Variants in ERBIN observed in about 807,000 individuals in gnomAD.
ERBIN encodes the protein erbb2 interacting protein.
ERBIN carries 60 observed loss-of-function variants against 158.4 expected under a neutral mutation model. That is an observed-to-expected ratio of 0.38 (90% CI 0.31 to 0.47). ERBIN has a LOEUF of 0.47. Among genes scored for constraint, ERBIN ranks in the 20% least tolerant of loss-of-function variants. The pLI is 0.99. For missense variants in ERBIN, 1,610 were observed against 1,648.0 expected, an observed-to-expected ratio of 0.98 and a Z score of 0.40; for synonymous variants, 594 against 557.2, an observed-to-expected ratio of 1.07 and a Z score of -0.93.
intron 2 of ERBIN, among the ~76,000 whole-genome samples, chr5:65,989,708 A>C (rs887516291): frequency 6.6e-6 from 1 of 152,244 alleles, no homozygotes; most frequent in African/African-American, 2.4e-5. Context: ...AGTATGGTCC[A>C]GTGGCCATTA....
chr5:65,967,929 T>C (rs1748843749), intron 1 of ERBIN, among the ~76,000 whole-genome samples: 1 of 152,200 alleles, frequency 6.6e-6, no homozygotes, highest in South Asian at 2.1e-4. Flanking sequence ...GACTTGAGTT[T>C]CCTTACAGCA....
chr5:66,051,887 C>G (rs941892424), intron 20 of ERBIN, among the ~76,000 whole-genome samples: 50 of 81,352 alleles, frequency 6.1e-4, no homozygotes, highest in Non-Finnish European at 1.1e-3. Context: ...AGAGCTAGGC[C>G]TTGTCTCAAA....
At chr5:65,949,952 G>A (rs532834699) in intron 1 of ERBIN, among the ~76,000 whole-genome samples, 60 of 152,156 alleles carry the variant, frequency 3.9e-4, no homozygotes, top group Admixed American at 1.0e-3. Context: ...GATTACAGGC[G>A]TGAGCCACTA....
At chr5:66,046,274 C>A in intron 17 of ERBIN, 79 bp from the exon 18 acceptor site, 1 of 876,554 alleles carries the variant, frequency 1.1e-6, no homozygotes, top group East Asian at 2.7e-5. Context: ...TGGCAAATTG[C>A]TTACAAATTT....
At chr5:66,047,659 A>C (rs1758578812) in intron 18 of ERBIN, among the ~76,000 whole-genome samples, 1 of 152,052 alleles carries the variant, frequency 6.6e-6, no homozygotes, top group South Asian at 2.1e-4. Context: ...CTAAAATTTC[A>C]AAATGCATTC....
intron 21 of ERBIN, among the ~76,000 whole-genome samples, chr5:66,069,597 C>T (rs183856367): frequency 1.3e-5 from 2 of 152,198 alleles, no homozygotes; most frequent in East Asian, 1.9e-4. Flanking sequence ...TGATTTTAAC[C>T]AAAATTCAGT....
Position 65,950,429 on chromosome 5 carries a change from T to C in ERBIN, c.-58+23623T>C, listed in dbSNP as rs188274937. On this transcript the variant is annotated intron_variant, in intron 1 of 25. Coordinates refer to ENST00000284037, the MANE Select transcript of ERBIN (RefSeq NM_001253697.2). ...GGGTTTTTCTGATTTTTTTCATGAT[T>C]ATGTTAGATTGTGGATATTTAGAAA... 2.4e-3 allele frequency among the ~76,000 whole-genome samples: 367 copies of C among 152,336 alleles called. 2 individuals are homozygous for C. Among genetic ancestry groups the C allele is most frequent in the Non-Finnish European group, 4.0e-3 (275 of 68,014 alleles).
chr5:65,990,927 A>G (rs189467180), intron 2 of ERBIN, among the ~76,000 whole-genome samples: 1,549 of 151,768 alleles, frequency 0.01, 10 homozygotes, highest in Middle Eastern at 0.031. Context: ...CGCCTGGCTA[A>G]TTTTTTTGTA....
At chr5:66,072,057 C>T (rs942748383) in intron 21 of ERBIN, 112 bp from the exon 22 acceptor site, 70 of 1,095,404 alleles carry the variant, frequency 6.4e-5, no homozygotes, top group Non-Finnish European at 8.3e-5. Context: ...TTTGGGTCTT[C>T]ATCTTTGCAC....
intron 14 of ERBIN, among the ~76,000 whole-genome samples, chr5:66,030,903 A>G (rs1180245832): frequency 1.3e-5 from 2 of 152,144 alleles, no homozygotes; most frequent in Non-Finnish European, 2.9e-5. Flanking sequence ...AATTAATGCC[A>G]GCAAATTATA....
intron 1 of ERBIN, among the ~76,000 whole-genome samples, chr5:65,959,503 A>G (rs1185991375): frequency 6.6e-6 from 1 of 152,250 alleles, no homozygotes; most frequent in Non-Finnish European, 1.5e-5. Context: ...CAAGACTCAT[A>G]CAATTTAATG....
rs778282107 is a variant in ERBIN, at chr5:65,944,204, ATT to A, written c.-58+17418_-58+17419del. On this transcript the variant is annotated intron_variant, in intron 1 of 25. Coordinates refer to ENST00000284037, the MANE Select transcript of ERBIN (RefSeq NM_001253697.2). Reference sequence around the variant, plus strand: ...CTCATATGGTAATTCTGTGTTTAGTATTTTTTTTTTTTTTTTTTTTTAAGGAA... The same window carrying A: ...CTCATATGGTAATTCTGTGTTTAGTATTTTTTTTTTTTTTTTTTTAAGGAA... 4.2e-4 allele frequency among the ~76,000 whole-genome samples: 34 copies of A among 81,736 alleles called. 1 individual carries two copies. The highest frequency in any genetic ancestry group is 1.4e-3 in the African/African-American group (29 of 20,830). The allele number at this position is 81,736 out of a possible 152,430, so 53.6% of individuals were successfully genotyped here.
At chr5:66,046,597 G>A in intron 18 of ERBIN, 59 bp downstream of exon 18, 1 of 1,343,618 alleles carries the variant, frequency 7.4e-7, no homozygotes, top group Middle Eastern at 2.0e-4. Context: ...ATATTTTATT[G>A]TTGCTAAATA....
rs1758181159 is a variant in ERBIN at position 66,044,106 on chromosome 5, A to C, written c.1429-31A>C. On this transcript the variant is annotated intron_variant, in intron 16 of 25. Coordinates refer to ENST00000284037, the MANE Select transcript of ERBIN (RefSeq NM_001253697.2). ...TGAGATTGACATTAGAAATATTTGT[A>C]CTTCATATTTTACTTATTTTATTTC... is the stretch of plus-strand genomic sequence containing the variant. 2.8e-6 allele frequency: 4 copies of C among 1,448,390 alleles called. No homozygotes were observed. In the African/African-American group the frequency reaches 5.8e-5, roughly 21 times the overall value. The allele number at this position is 1,448,390 out of a possible 1,614,324, so 89.7% of individuals were successfully genotyped here.
intron 21 of ERBIN, among the ~76,000 whole-genome samples, chr5:66,057,377 T>G (rs1759703663): frequency 6.6e-6 from 1 of 152,218 alleles, no homozygotes; most frequent in South Asian, 2.1e-4. Flanking sequence ...ATCTTCATCC[T>G]CATCATCACC....
rs1303445225 is a variant in ERBIN, at chr5:66,075,250, T to C, written c.3963+20T>C. On this transcript the variant is annotated intron_variant, in intron 23 of 25. Transcript: ENST00000284037. ...CAAGAGGTAAGAATAATCAAGACTA[T>C]TTGAAATATGGGACTAAGCTTTTTA... 2 of 1,588,868 alleles carry C rather than the reference T, an allele frequency of 1.3e-6. No individual in the cohort carries two copies. The highest frequency in any genetic ancestry group is 2.7e-5 in the African/African-American group (2 of 74,394).
Position 66,054,605 on chromosome 5 carries a change from G to A in ERBIN, c.3287G>A (p.Arg1096Gln), listed in dbSNP as rs149205613. 95 of 1,614,042 alleles carry A rather than the reference G, an allele frequency of 5.9e-5. 2 individuals carry two copies. The South Asian group carries it at 7.1e-4, about 12-fold the overall frequency. Residue 1096 changes from arginine (R) to glutamine (Q), a missense_variant, in exon 21 of 26, where the codon CGG (arginine) becomes CAG (glutamine). Physicochemically the swap from Arg to Gln is conservative, Grantham distance 43. Coordinates refer to ENST00000284037, the MANE Select transcript of ERBIN (RefSeq NM_001253697.2). ...VNLGDPGSTRRAQIPEGDYLS... is the reference protein window; with the variant it reads ...VNLGDPGSTRQAQIPEGDYLS... ...CTTGGTGATCCAGGCTCTACAAGGC[G>A]GGCTCAGATTCCTGAAGGAGATTAT... is the stretch of plus-strand genomic sequence containing the variant.
At chr5:65,969,906 T>A (rs868266683) in intron 1 of ERBIN, among the ~76,000 whole-genome samples, 1 of 152,244 alleles carries the variant, frequency 6.6e-6, no homozygotes, top group Non-Finnish European at 1.5e-5. Flanking sequence ...TAATCAGATT[T>A]AGTTGTTTTG....
chr5:65,992,722 A>G lies in ERBIN; in HGVS notation c.4A>G (p.Thr2Ala). Reference protein sequence around the residue: MTTKRSLFVRLV... With the variant: MATKRSLFVRLV... ...TCGAATATTGCAGTGTCTAAAAATG[A>G]CTACAAAACGAAGTTTGTTTGTGCG... The change falls in exon 3 of 26, where the codon ACT (threonine) becomes GCT (alanine). Residue 2 changes from threonine (T) to alanine (A), a missense_variant. Thr to Ala is a moderately conservative substitution (Grantham distance 58). Transcript: ENST00000284037. 1 of 1,586,698 alleles carries G rather than the reference A, an allele frequency of 6.3e-7. No individual in the cohort carries two copies. The highest frequency in any genetic ancestry group is 8.5e-7 in the Non-Finnish European group (1 of 1,171,238).
Sources: gnomAD v4.1 joint callset for allele counts (sites outside exome capture counted in the v4.1 genomes callset) on GRCh38, gnomAD v4.1.1 for gene constraint, MANE v1.5 for transcripts, NCBI Gene and HGNC (gene_info 2026-07-23, HGNC 2026-07-21) for gene names.